Variants in EXOC4 observed in about 807,000 individuals in gnomAD.
The protein encoded by EXOC4 is SEC8-like 1.
EXOC4 carries 71 observed loss-of-function variants against 107.2 expected under a neutral mutation model. The observed-to-expected ratio is 0.66, with a 90% CI of 0.55 to 0.81. EXOC4 has a LOEUF of 0.81. Among genes scored for constraint, EXOC4 ranks in the 30% least tolerant of loss-of-function variants. EXOC4 has a pLI of 0.00. For synonymous variants in EXOC4, 456 were observed against 441.2 expected (o/e 1.03, Z -0.42); for missense variants, 1,108 against 1,189.6 (o/e 0.93, Z 1.01).
At chr7:133,828,170 T>C (rs561010954) in intron 11 of EXOC4, among the ~76,000 whole-genome samples, 1 of 152,302 alleles carries the variant, frequency 6.6e-6, no homozygotes, top group African/African-American at 2.4e-5. Context: ...TGAAATACAT[T>C]AACACTCTGT....
At chr7:133,471,488 C>T (rs1402188921) in intron 7 of EXOC4, among the ~76,000 whole-genome samples, 1 of 151,632 alleles carries the variant, frequency 6.6e-6, no homozygotes, top group Non-Finnish European at 1.5e-5. Context: ...TAGTATTTTC[C>T]AGCTGGTGAT....
intron 9 of EXOC4, chr7:133,484,088 A>T (rs759217738): frequency 6.2e-6 from 10 of 1,613,642 alleles, no homozygotes; most frequent in Non-Finnish European, 8.5e-6. Context: ...TAACATTAAA[A>T]AGCTCAAATT....
chr7:133,621,227 T>G (rs1802321941), intron 9 of EXOC4, among the ~76,000 whole-genome samples: 1 of 152,202 alleles, frequency 6.6e-6, no homozygotes, highest in Non-Finnish European at 1.5e-5. Context: ...CACTCCTCTT[T>G]TAATTTATTG....
At chr7:133,655,543 GT>G (rs1436430618) in intron 10 of EXOC4, among the ~76,000 whole-genome samples, 1 of 152,094 alleles carries the variant, frequency 6.6e-6, no homozygotes, top group African/African-American at 2.4e-5. Context: ...ATGTTTTTCT[GT>G]TTTGGAAATT....
Position 133,454,342 on chromosome 7 carries a change from A to C in EXOC4, c.1183-20986A>C, listed in dbSNP as rs193269861. On this transcript the variant is annotated intron_variant, in intron 7 of 17. Transcript: ENST00000253861. Reference sequence around the variant, plus strand: ...GAGACAAAGTCTTACTGTGTTGCCCAGGTTGGGGTGCAATGGTGTGATCTT... The same window carrying C: ...GAGACAAAGTCTTACTGTGTTGCCCCGGTTGGGGTGCAATGGTGTGATCTT... 1.2e-4 allele frequency among the ~76,000 whole-genome samples: 18 copies of C among 152,202 alleles called. No individual in the cohort carries two copies. In the East Asian group the frequency reaches 3.5e-3, roughly 29 times the overall value.
chr7:133,994,932 A>G lies in EXOC4; in HGVS notation c.2207-2560A>G, dbSNP rs953731880. Among the ~76,000 whole-genome samples, 41 of 152,246 alleles carry G rather than the reference A, an allele frequency of 2.7e-4. 1 individual carries two copies. Among genetic ancestry groups the G allele is most frequent in the Admixed American group, 1.8e-3 (28 of 15,268 alleles). Reference sequence around the variant, plus strand: ...TGCCATGCTTAGTATTTCTTTGCTCAGTATATTCTTTCTTGTTAAGAAAAC... The same window carrying G: ...TGCCATGCTTAGTATTTCTTTGCTCGGTATATTCTTTCTTGTTAAGAAAAC... On this transcript the variant is annotated intron_variant, in intron 14 of 17. Transcript: ENST00000253861.
chr7:134,062,218 T>A (rs1284217634), intron 17 of EXOC4, among the ~76,000 whole-genome samples: 1 of 152,206 alleles, frequency 6.6e-6, no homozygotes, highest in Non-Finnish European at 1.5e-5. Context: ...TGCCACTATT[T>A]AGAGTATATT....
chr7:134,010,009 A>C (rs1794728364), intron 17 of EXOC4: 1 of 152,018 alleles, frequency 6.6e-6, no homozygotes, highest in African/African-American at 2.4e-5. Flanking sequence ...AGTAGGTACA[A>C]GTGGCATGTG....
At chr7:133,742,719 C>T (rs1161854322) in intron 10 of EXOC4, among the ~76,000 whole-genome samples, 1 of 152,114 alleles carries the variant, frequency 6.6e-6, no homozygotes, top group Non-Finnish European at 1.5e-5. Flanking sequence ...TTGTTTTTCC[C>T]CCCAAGTTGA....
At chr7:134,046,211 A>G (rs1184504675) in intron 17 of EXOC4, among the ~76,000 whole-genome samples, 2 of 152,186 alleles carry the variant, frequency 1.3e-5, no homozygotes, top group Admixed American at 6.5e-5. Flanking sequence ...GCCGGGCACA[A>G]TGGCTCATGC....
At chr7:134,013,471 A>G (rs1794820750) in intron 17 of EXOC4, among the ~76,000 whole-genome samples, 1 of 152,204 alleles carries the variant, frequency 6.6e-6, no homozygotes, top group African/African-American at 2.4e-5. Flanking sequence ...GACCTCCTGG[A>G]TGGGGTCCTG....
At chr7:133,326,177 G>A (rs1305102761) in intron 5 of EXOC4, among the ~76,000 whole-genome samples, 2 of 152,172 alleles carry the variant, frequency 1.3e-5, no homozygotes, top group Non-Finnish European at 2.9e-5. Flanking sequence ...TTAGCTCAGA[G>A]AAGTTTGATC....
intron 9 of EXOC4, among the ~76,000 whole-genome samples, chr7:133,544,833 T>C (rs1468545218): frequency 5.4e-4 from 6 of 11,062 alleles, no homozygotes; most frequent in South Asian, 0.013. Context: ...TTCCTTCCCT[T>C]TTTTTTTTTT....
At chr7:133,824,731 G>T (rs950712354) in intron 11 of EXOC4, among the ~76,000 whole-genome samples, 2 of 152,068 alleles carry the variant, frequency 1.3e-5, no homozygotes, top group Admixed American at 1.3e-4. Flanking sequence ...GGTGGCTCCC[G>T]TGGATTTTTG....
chr7:133,452,223 G>A (rs1798364113), intron 7 of EXOC4, among the ~76,000 whole-genome samples: 1 of 152,050 alleles, frequency 6.6e-6, no homozygotes, highest in African/African-American at 2.4e-5. Context: ...ATTAGAAATG[G>A]TCCCTACAGC....
rs149476558 is a variant in EXOC4 at position 133,657,747 on chromosome 7, G to A, written c.1514+27606G>A. Among the ~76,000 whole-genome samples, 12 of 152,232 alleles carry A rather than the reference G, an allele frequency of 7.9e-5. No individual in the cohort carries two copies. In the East Asian group the frequency reaches 2.1e-3, roughly 27 times the overall value. ...TGCTCTTTGACACTTTATACTCAACGCTTGAAATAAATCTTATAGAATTGG... is the reference window on the plus strand; with the variant it reads ...TGCTCTTTGACACTTTATACTCAACACTTGAAATAAATCTTATAGAATTGG... On this transcript the variant is annotated intron_variant, in intron 10 of 17. Transcript: ENST00000253861.
intron 14 of EXOC4, among the ~76,000 whole-genome samples, chr7:133,986,161 A>C (rs1794109568): frequency 1.3e-5 from 2 of 152,230 alleles, no homozygotes; most frequent in African/African-American, 4.8e-5. Context: ...AATATCAATG[A>C]GCATGGTGGT....
intron 10 of EXOC4, among the ~76,000 whole-genome samples, chr7:133,692,728 A>G (rs1171960799): frequency 6.6e-6 from 1 of 152,216 alleles, no homozygotes; most frequent in Non-Finnish European, 1.5e-5. Flanking sequence ...AGCAATACGT[A>G]TCAGTCTCTG....
chr7:133,496,901 A>G (rs1043183549), intron 9 of EXOC4, among the ~76,000 whole-genome samples: 5 of 152,168 alleles, frequency 3.3e-5, no homozygotes, highest in Admixed American at 6.5e-5. Flanking sequence ...ATTTGAGTCA[A>G]TCAAAAGGGA....
Sources: allele counts gnomAD v4.1 joint callset (sites outside exome capture counted in the v4.1 genomes callset), GRCh38; gene constraint gnomAD v4.1.1; transcripts MANE v1.5; gene names NCBI Gene and HGNC (gene_info 2026-07-23, HGNC 2026-07-21).